The following E2F3 variants were observed in gnomAD, a reference collection of about 807,000 sequenced individuals.
E2F3 encodes the protein E2F transcription factor 3.
Under a neutral mutation model 44.4 loss-of-function variants are expected in E2F3, and 11 were observed. The observed-to-expected ratio is 0.25, with a 90% CI of 0.16 to 0.41. E2F3 has a LOEUF of 0.41. Ranked by LOEUF, E2F3 falls within the 10% of genes least tolerant of loss-of-function variation. The pLI is 1.00. For synonymous variants in E2F3, 249 were observed against 253.0 expected, an observed-to-expected ratio of 0.98 and a Z score of 0.15; for missense variants, 487 against 583.6, an observed-to-expected ratio of 0.83 and a Z score of 1.70.
Position 20,486,681 on chromosome 6 carries a change from C to T in E2F3, c.885-8C>T, listed in dbSNP as rs779107512. 1.4e-6 allele frequency: 2 copies of T among 1,447,468 alleles called. No individual in the cohort carries two copies. Among genetic ancestry groups the T allele is most frequent in the Non-Finnish European group, 1.9e-6 (2 of 1,036,950 alleles). The allele number at this position is 1,447,468 out of a possible 1,614,324, so 89.7% of individuals were successfully genotyped here. On this transcript the variant is annotated splice_polypyrimidine_tract_variant and splice_region_variant and intron_variant, in intron 4 of 6. Transcript: ENST00000346618. ...TAATTAGATGGAAGATTCCTTGACA[C>T]TCTTTACGTTAGCTTATGTTACATA...
chr6:20,468,069 C>T (rs544408203), intron 1 of E2F3, among the ~76,000 whole-genome samples: 17 of 152,368 alleles, frequency 1.1e-4, no homozygotes, highest in Non-Finnish European at 2.2e-4. Flanking sequence ...CCACTATTTT[C>T]GCATATTACA....
At chr6:20,466,212 A>C (rs1299854680) in intron 1 of E2F3, among the ~76,000 whole-genome samples, 1 of 152,026 alleles carries the variant, frequency 6.6e-6, no homozygotes, top group East Asian at 1.9e-4. Flanking sequence ...TCCTAGGTTC[A>C]AGCGATTCTC....
At chr6:20,468,799 A>G (rs1227864304) in intron 1 of E2F3, among the ~76,000 whole-genome samples, 1 of 152,234 alleles carries the variant, frequency 6.6e-6, no homozygotes, top group Non-Finnish European at 1.5e-5. Context: ...AAGTGGGCCT[A>G]CCTTACACCA....
chr6:20,487,894 T>G (rs997123869), intron 5 of E2F3, among the ~76,000 whole-genome samples: 1 of 152,156 alleles, frequency 6.6e-6, no homozygotes, highest in Non-Finnish European at 1.5e-5. Flanking sequence ...CAATAAAACT[T>G]TATTTACAAA....
chr6:20,424,217 G>A (rs979210927), intron 1 of E2F3, among the ~76,000 whole-genome samples: 1,539 of 147,094 alleles, frequency 0.01, 36 homozygotes, highest in African/African-American at 0.038. Context: ...AAGGGTGTGT[G>A]TGTGTGTGTG....
At chr6:20,417,422 A>G (rs1320191569) in intron 1 of E2F3, among the ~76,000 whole-genome samples, 1 of 152,252 alleles carries the variant, frequency 6.6e-6, no homozygotes, top group Non-Finnish European at 1.5e-5. Context: ...AGTGAATACC[A>G]TAATGTAAAT....
intron 1 of E2F3, among the ~76,000 whole-genome samples, chr6:20,478,413 C>T (rs527964065): frequency 9.1e-4 from 139 of 152,312 alleles, no homozygotes; most frequent in African/African-American, 3.2e-3. Context: ...TCGTAGTAGA[C>T]GGTGCAGGGT....
chr6:20,406,625 A>G (rs866735361), intron 1 of E2F3, among the ~76,000 whole-genome samples: 1 of 152,168 alleles, frequency 6.6e-6, no homozygotes, highest in African/African-American at 2.4e-5. Context: ...ACGCCTATAT[A>G]GAGATAGTGG....
chr6:20,465,789 T>C (rs1412830768), intron 1 of E2F3, among the ~76,000 whole-genome samples: 1 of 151,834 alleles, frequency 6.6e-6, no homozygotes, highest in East Asian at 1.9e-4. Context: ...TCATTTTTTA[T>C]GGCTGAGTAG....
chr6:20,440,819 G>T (rs1284136673), intron 1 of E2F3, among the ~76,000 whole-genome samples: 1 of 152,172 alleles, frequency 6.6e-6, no homozygotes, highest in Non-Finnish European at 1.5e-5. Flanking sequence ...ACTTCTGCCA[G>T]AAGTAAATTT....
At position 20,406,427 on chromosome 6, in the gene E2F3, A is replaced by C; in HGVS notation, c.393+3802A>C. On this transcript the variant is annotated intron_variant, in intron 1 of 6. Transcript: ENST00000346618. ...ATTCATATTTATTATACAAATGTTA[A>C]TTTTTTTCTGACTTAGTGAAATAGT... Among the ~76,000 whole-genome samples the C allele has an allele frequency of 1.3e-5, 2 of 152,114 alleles. 1 individual carries two copies. Among genetic ancestry groups the C allele is most frequent in the East Asian group, 3.8e-4 (2 of 5,198 alleles).
At chr6:20,470,025 A>G (rs539161356) in intron 1 of E2F3, among the ~76,000 whole-genome samples, 4 of 152,022 alleles carry the variant, frequency 2.6e-5, no homozygotes, top group Non-Finnish European at 5.9e-5. Context: ...ATCATTCTGT[A>G]CTCAAAGCCC....
chr6:20,411,390 T>C (rs1759667295), intron 1 of E2F3, among the ~76,000 whole-genome samples: 1 of 152,056 alleles, frequency 6.6e-6, no homozygotes, highest in Admixed American at 6.6e-5. Context: ...TAGGCCTCCC[T>C]TTTCCCTTCT....
chr6:20,402,393 C>G lies in E2F3; in HGVS notation c.161C>G (p.Pro54Arg), dbSNP rs753567608. The change falls in exon 1 of 7, where the codon CCG becomes CGG. Residue 54 changes from proline to arginine, a missense_variant. Around this residue, in one of 3 missense-constraint regions of E2F3, gnomAD observed 238 missense variants for 236.0 expected, o/e 1.01. Coordinates refer to ENST00000346618, the MANE Select transcript of E2F3 (RefSeq NM_001949.5). The surrounding 1 kb of genome is among the most constrained non-coding windows in gnomAD (Gnocchi z 5.6). ...FAAAAAAAAA[P>R]GAYIQILTTN... is the part of the protein sequence containing the mutation. ...GCCGCCGCCGCCGCTGCCGCCGCCC[C>G]GGGCGCGTACATCCAGATCCTCACC... The G allele has an allele frequency of 1.7e-5, 27 of 1,610,724 alleles. No individual in the cohort carries two copies. The highest frequency in any genetic ancestry group is 2.2e-5 in the East Asian group (1 of 44,698).
At chr6:20,467,425 T>A (rs530694022) in intron 1 of E2F3, among the ~76,000 whole-genome samples, 3 of 152,318 alleles carry the variant, frequency 2.0e-5, no homozygotes, top group Middle Eastern at 3.4e-3. Flanking sequence ...ACTCTCACAG[T>A]GCATTTTAGT....
At chr6:20,455,168 G>A (rs1371701439) in intron 1 of E2F3, among the ~76,000 whole-genome samples, 1 of 152,290 alleles carries the variant, frequency 6.6e-6, no homozygotes, top group Admixed American at 6.5e-5. Context: ...CATAAATAGC[G>A]ACTTGCTTGA....
intron 1 of E2F3, among the ~76,000 whole-genome samples, chr6:20,468,462 G>A (rs758935875): frequency 4.3e-4 from 66 of 152,216 alleles, no homozygotes; most frequent in Non-Finnish European, 8.4e-4. Flanking sequence ...GAAGGAGCAC[G>A]CAGCTTCCAT....
At chr6:20,419,538 T>C (rs935327966) in intron 1 of E2F3, among the ~76,000 whole-genome samples, 13 of 148,908 alleles carry the variant, frequency 8.7e-5, no homozygotes, top group African/African-American at 2.7e-4. Flanking sequence ...CTTTTATTTA[T>C]TTATTTATTT....
chr6:20,426,098 A>C (rs997848092), intron 1 of E2F3, among the ~76,000 whole-genome samples: 4 of 152,230 alleles, frequency 2.6e-5, no homozygotes, highest in Admixed American at 1.3e-4. Flanking sequence ...TTGCAAATTT[A>C]AATATCTAAT....
Sources: allele counts gnomAD v4.1 joint callset (sites outside exome capture counted in the v4.1 genomes callset), GRCh38; gene constraint gnomAD v4.1.1; regional missense constraint gnomAD v4.1.1; non-coding constraint Gnocchi (gnomAD v3.1); transcripts MANE v1.5; gene names NCBI Gene and HGNC (gene_info 2026-07-23, HGNC 2026-07-21).